The following DPYD variants were observed in gnomAD, a reference collection of about 807,000 sequenced individuals.
The protein encoded by DPYD is dihydropyrimidine dehydrogenase, also known as dihydropyrimidine dehydrogenase [NADP(+)].
DPYD carries 109 observed loss-of-function variants against 116.2 expected under a neutral mutation model. The ratio of observed to expected loss-of-function variants is 0.94; its 90% confidence interval spans 0.80 to 1.10. The LOEUF is 1.10. Ranked by LOEUF, DPYD falls within the 50% of genes least tolerant of loss-of-function variation. DPYD has a pLI of 0.00. For missense variants in DPYD, 1,302 were observed against 1,254.5 expected (o/e 1.04, Z -0.57); for synonymous variants, 440 against 432.0 (o/e 1.02, Z -0.23).
intron 2 of DPYD, among the ~76,000 whole-genome samples, chr1:97,833,128 T>A (rs891483941): frequency 2.0e-5 from 3 of 152,124 alleles, no homozygotes; most frequent in Non-Finnish European, 4.4e-5. Context: ...CTAAATCAGA[T>A]CTAAAATTTA....
intron 16 of DPYD, among the ~76,000 whole-genome samples, chr1:97,320,191 C>G (rs1471582296): frequency 7.5e-6 from 1 of 134,208 alleles, no homozygotes; most frequent in Non-Finnish European, 1.6e-5. Flanking sequence ...GATGCCCTCT[C>G]TCACCGCTCC....
At chr1:97,794,594 C>T (rs1398613573) in intron 3 of DPYD, among the ~76,000 whole-genome samples, 1 of 152,156 alleles carries the variant, frequency 6.6e-6, no homozygotes, top group African/African-American at 2.4e-5. Context: ...ATTCCATTCA[C>T]CTAAGGGTAC....
At chr1:97,652,749 T>C (rs921194504) in intron 8 of DPYD, among the ~76,000 whole-genome samples, 13 of 152,158 alleles carry the variant, frequency 8.5e-5, no homozygotes, top group African/African-American at 3.1e-4. Context: ...ATGATATCAA[T>C]CAAGAAACTC....
intron 16 of DPYD, among the ~76,000 whole-genome samples, chr1:97,338,236 G>A (rs1371987426): frequency 6.6e-6 from 1 of 152,036 alleles, no homozygotes; most frequent in Non-Finnish European, 1.5e-5. Context: ...AATTGTATAC[G>A]GTAAAACCTT....
intron 5 of DPYD, among the ~76,000 whole-genome samples, chr1:97,719,153 C>G (rs970667129): frequency 6.9e-6 from 1 of 145,680 alleles, no homozygotes; most frequent in Admixed American, 6.9e-5. Context: ...CAAGATCCAC[C>G]CCCAACCCTG....
At chr1:97,553,106 T>C (rs1235647532) in intron 11 of DPYD, among the ~76,000 whole-genome samples, 3 of 151,928 alleles carry the variant, frequency 2.0e-5, no homozygotes, top group African/African-American at 7.2e-5. Flanking sequence ...CTATCACAAC[T>C]GGAATATCAA....
chr1:97,582,046 G>C (rs1280436223), intron 10 of DPYD, among the ~76,000 whole-genome samples: 1 of 152,180 alleles, frequency 6.6e-6, no homozygotes, highest in African/African-American at 2.4e-5. Context: ...TTTTGGCATG[G>C]CGTATCTGTT....
At chr1:97,907,272 G>T (rs373271924) in intron 1 of DPYD, among the ~76,000 whole-genome samples, 1 of 151,946 alleles carries the variant, frequency 6.6e-6, no homozygotes, top group East Asian at 1.9e-4. Context: ...TTTTTAGTGT[G>T]GGTTTTAAAA....
chr1:97,861,989 C>A (rs748624465), intron 2 of DPYD, among the ~76,000 whole-genome samples: 22 of 151,858 alleles, frequency 1.4e-4, no homozygotes, highest in Non-Finnish European at 3.0e-4. Context: ...GTAAGAAATG[C>A]AAAACAATGA....
chr1:97,496,409 C>T (rs1206690009), intron 13 of DPYD, among the ~76,000 whole-genome samples: 2 of 152,038 alleles, frequency 1.3e-5, no homozygotes, highest in Non-Finnish European at 2.9e-5. Context: ...ACACTATTAT[C>T]AGATAATCCT....
chr1:97,165,651 G>T (rs1246147299), intron 20 of DPYD, among the ~76,000 whole-genome samples: 2 of 152,108 alleles, frequency 1.3e-5, no homozygotes, highest in Non-Finnish European at 2.9e-5. Flanking sequence ...CAGAATGGGA[G>T]AAAATATTTG....
chr1:97,552,275 A>C (rs1282624543), intron 11 of DPYD, among the ~76,000 whole-genome samples: 1 of 152,126 alleles, frequency 6.6e-6, no homozygotes, highest in Non-Finnish European at 1.5e-5. Context: ...TGTACACAGG[A>C]GGTGCTGAAT....
chr1:97,541,752 G>C (rs898180554), intron 12 of DPYD, among the ~76,000 whole-genome samples: 1 of 152,012 alleles, frequency 6.6e-6, no homozygotes, highest in Non-Finnish European at 1.5e-5. Flanking sequence ...GGTTTCATAG[G>C]AAAAGAGAAA....
chr1:97,379,149 A>T (rs986254740), intron 15 of DPYD, among the ~76,000 whole-genome samples: 1 of 152,106 alleles, frequency 6.6e-6, no homozygotes, highest in Non-Finnish European at 1.5e-5. Context: ...AGGAAGAGAG[A>T]ACATTGCAGG....
intron 13 of DPYD, among the ~76,000 whole-genome samples, chr1:97,511,418 G>A (rs926474777): frequency 6.6e-6 from 1 of 151,788 alleles, no homozygotes; most frequent in Non-Finnish European, 1.5e-5. Flanking sequence ...TAAGACCAGG[G>A]CCTCCCAGGC....
At chr1:97,586,525 GA>G (rs1262563736) in intron 10 of DPYD, among the ~76,000 whole-genome samples, 12 of 100,270 alleles carry the variant, frequency 1.2e-4, no homozygotes, top group Admixed American at 9.1e-4. Context: ...TATATGCTGT[GA>G]AAAAAATATA....
At chr1:97,131,322 A>T (rs1354557826) in intron 20 of DPYD, among the ~76,000 whole-genome samples, 2 of 152,060 alleles carry the variant, frequency 1.3e-5, no homozygotes, top group Non-Finnish European at 2.9e-5. Flanking sequence ...AATGTGTGGT[A>T]TTTTTCCCTG....
chr1:97,265,045 G>A (rs185456605), intron 18 of DPYD, among the ~76,000 whole-genome samples: 20 of 152,162 alleles, frequency 1.3e-4, no homozygotes, highest in Admixed American at 2.0e-4. Context: ...CCGTTCATCC[G>A]TGGACAGTGC....
At chr1:97,490,044 C>A (rs1678879644) in intron 13 of DPYD, among the ~76,000 whole-genome samples, 1 of 152,024 alleles carries the variant, frequency 6.6e-6, no homozygotes, top group Non-Finnish European at 1.5e-5. Context: ...TGTGACTCAG[C>A]TTCCTTCCTG....
Sources: allele counts gnomAD v4.1 joint callset (sites outside exome capture counted in the v4.1 genomes callset), GRCh38; gene constraint gnomAD v4.1.1; transcripts MANE v1.5; gene names NCBI Gene and HGNC (gene_info 2026-07-23, HGNC 2026-07-21).